Variants in CSMD1 observed in about 807,000 individuals in gnomAD.
The protein encoded by CSMD1 is CUB and sushi domain-containing protein 1.
CSMD1 carries 213 observed loss-of-function variants against 417.5 expected under a neutral mutation model. The ratio of observed to expected loss-of-function variants is 0.51; its 90% CI spans 0.46 to 0.57. CSMD1 has a LOEUF of 0.57. Among genes scored for constraint, CSMD1 ranks in the 20% least tolerant of loss-of-function variants. The pLI is 0.00. For synonymous variants in CSMD1, 2,862 were observed against 1,736.8 expected (o/e 1.65, Z -16.11); for missense variants, 6,923 against 4,529.7 (o/e 1.53, Z -15.17).
intron 2 of CSMD1, among the ~76,000 whole-genome samples, chr8:4,466,531 G>A (rs937836496): frequency 2.6e-5 from 4 of 152,338 alleles, no homozygotes; most frequent in Admixed American, 2.0e-4. Context: ...ATGGAAAGCT[G>A]TGTTTGGAAA....
At chr8:3,063,130 T>C (rs908685770) in intron 49 of CSMD1, among the ~76,000 whole-genome samples, 2 of 152,154 alleles carry the variant, frequency 1.3e-5, no homozygotes, top group African/African-American at 4.8e-5. Context: ...AGAAGGATTT[T>C]ATGCACGCTC....
chr8:4,010,117 G>T (rs190887788), intron 4 of CSMD1, among the ~76,000 whole-genome samples: 1 of 152,176 alleles, frequency 6.6e-6, no homozygotes, highest in East Asian at 1.9e-4. Context: ...TTCTTCCTCT[G>T]ATGGAAACCT....
At chr8:4,578,034 C>A (rs561082388) in intron 2 of CSMD1, among the ~76,000 whole-genome samples, 2 of 152,274 alleles carry the variant, frequency 1.3e-5, no homozygotes, top group Admixed American at 1.3e-4. Context: ...GGCTTTAGGA[C>A]TGTGTACTCA....
intron 10 of CSMD1, among the ~76,000 whole-genome samples, chr8:3,547,971 T>C (rs1157013077): frequency 6.6e-6 from 1 of 152,084 alleles, no homozygotes; most frequent in East Asian, 1.9e-4. Flanking sequence ...TCAACCTATT[T>C]GGATATGGTA....
At chr8:3,199,855 G>A (rs1447188194) in intron 32 of CSMD1, 46 bp from the exon 33 acceptor site, 4 of 1,178,078 alleles carry the variant, frequency 3.4e-6, no homozygotes, top group Non-Finnish European at 3.7e-6. Context: ...ACAGCACCGT[G>A]GGGGACGGTA....
chr8:3,644,707 G>C (rs1454168016), intron 7 of CSMD1, among the ~76,000 whole-genome samples: 1 of 152,032 alleles, frequency 6.6e-6, no homozygotes, highest in Admixed American at 6.6e-5. Context: ...TGAGTTACAG[G>C]GTTTATTTGT....
chr8:4,255,081 A>C (rs1803360810), intron 3 of CSMD1, among the ~76,000 whole-genome samples: 1 of 152,166 alleles, frequency 6.6e-6, no homozygotes, highest in Non-Finnish European at 1.5e-5. Context: ...TATTTTGCTC[A>C]AATGGTTTAA....
intron 50 of CSMD1, among the ~76,000 whole-genome samples, chr8:3,038,588 G>C (rs934310844): frequency 1.3e-5 from 2 of 152,012 alleles, no homozygotes; most frequent in African/African-American, 2.4e-5. Context: ...GGTTTCACAT[G>C]TTGCCTGCTT....
At chr8:3,058,217 T>C (rs187509995) in intron 49 of CSMD1, among the ~76,000 whole-genome samples, 6 of 152,330 alleles carry the variant, frequency 3.9e-5, no homozygotes, top group African/African-American at 1.4e-4. Flanking sequence ...CTTCACAAAG[T>C]TATATATAAC....
intron 50 of CSMD1, among the ~76,000 whole-genome samples, chr8:3,039,230 G>C (rs1810902852): frequency 1.4e-5 from 2 of 139,636 alleles, no homozygotes; most frequent in Non-Finnish European, 3.0e-5. Flanking sequence ...AGCCTTCTCA[G>C]CCCGCAAAAT....
chr8:4,338,465 G>A (rs1800296944), intron 3 of CSMD1, among the ~76,000 whole-genome samples: 1 of 152,086 alleles, frequency 6.6e-6, no homozygotes, highest in South Asian at 2.1e-4. Context: ...GTTTACACCT[G>A]GTTAGGTTCA....
intron 2 of CSMD1, among the ~76,000 whole-genome samples, chr8:4,616,752 A>G (rs1426960425): frequency 1.3e-5 from 2 of 152,200 alleles, no homozygotes; most frequent in Admixed American, 6.5e-5. Context: ...TTCCAGGGAT[A>G]TTGGCATAAA....
chr8:4,943,266 C>T (rs1296262259), intron 1 of CSMD1, among the ~76,000 whole-genome samples: 2 of 152,012 alleles, frequency 1.3e-5, no homozygotes, highest in Non-Finnish European at 2.9e-5. Flanking sequence ...GCGGCCCAGG[C>T]GGGCAGATCA....
At chr8:3,322,562 T>C (rs1421107865) in intron 23 of CSMD1, among the ~76,000 whole-genome samples, 2 of 152,180 alleles carry the variant, frequency 1.3e-5, no homozygotes, top group Non-Finnish European at 2.9e-5. Flanking sequence ...CTTTCTTGTC[T>C]TGTTCCCTCA....
At chr8:3,705,937 G>A (rs749015140) in intron 7 of CSMD1, among the ~76,000 whole-genome samples, 4 of 152,222 alleles carry the variant, frequency 2.6e-5, no homozygotes, top group Admixed American at 2.0e-4. Flanking sequence ...AGGCATGTGG[G>A]CAGCCAGTGT....
At chr8:4,671,387 G>C (rs895742045) in intron 1 of CSMD1, among the ~76,000 whole-genome samples, 13 of 152,256 alleles carry the variant, frequency 8.5e-5, no homozygotes, top group African/African-American at 3.1e-4. Context: ...AAGTCTGTTT[G>C]TGTAATCAAC....
rs1448589830 is a variant in CSMD1 at position 3,232,069 on chromosome 8, T to A, written c.4154-1838A>T. On this transcript the variant is annotated intron_variant, in intron 26 of 69. Coordinates refer to ENST00000635120, the MANE Select transcript of CSMD1 (RefSeq NM_033225.6). ...AAATGAACATCTGTGCTACCAACTC[T>A]AAGCAATAGAGTATTTACCAATACA... Among the ~76,000 whole-genome samples, 7 of 152,194 alleles carry A rather than the reference T, an allele frequency of 4.6e-5. No homozygotes were observed. The East Asian group carries it at 1.2e-3, about 25-fold the overall frequency.
intron 7 of CSMD1, among the ~76,000 whole-genome samples, chr8:3,699,145 C>A (rs1425121420): frequency 1.3e-5 from 2 of 152,238 alleles, no homozygotes; most frequent in Non-Finnish European, 2.9e-5. Flanking sequence ...AACAAATGAA[C>A]TCCTTCAGCA....
In CSMD1 at chr8:3,432,544, T is replaced by C. The variant is rs376278832; in HGVS notation, c.1562-22939A>G. Among the ~76,000 whole-genome samples the C allele has an allele frequency of 9.1e-4, 125 of 137,090 alleles. 2 individuals are homozygous for C. In the East Asian group the frequency reaches 0.023, roughly 25 times the overall value. The allele number at this position is 137,090 out of a possible 152,430, so 89.9% of individuals were successfully genotyped here. A position where few individuals can be genotyped will look rare whatever the true frequency, so the allele number is the denominator to read the frequency against. ...TTTTTTTTTTGAGATGGAGTCTCAC[T>C]TTGTCACCAGGCTGGAGTGCAGTGG... On this transcript the variant is annotated intron_variant, in intron 12 of 69. Coordinates refer to ENST00000635120, the MANE Select transcript of CSMD1 (RefSeq NM_033225.6).
Sources: gnomAD v4.1 joint callset for allele counts (sites outside exome capture counted in the v4.1 genomes callset) on GRCh38, gnomAD v4.1.1 for gene constraint, MANE v1.5 for transcripts, NCBI Gene and HGNC (gene_info 2026-07-23, HGNC 2026-07-21) for gene names.